FAR2: variants seen among roughly 807,000 people sequenced by gnomAD.
The protein encoded by FAR2 is fatty acyl-CoA reductase 2.
In FAR2, 19 loss-of-function variants were observed where a neutral mutation model predicts 56.0. The observed-to-expected ratio is 0.34, with a 90% confidence interval of 0.24 to 0.50. The LOEUF is 0.50. Ranked by LOEUF, FAR2 falls within the 20% of genes least tolerant of loss-of-function variation. FAR2 has a pLI of 0.98. For synonymous variants in FAR2, 219 were observed against 218.8 expected, an observed-to-expected ratio of 1.00 and a Z score of -0.01; for missense variants, 508 against 642.2, an observed-to-expected ratio of 0.79 and a Z score of 2.26.
intron 1 of FAR2, among the ~76,000 whole-genome samples, chr12:29,183,575 A>G (rs1591836669): frequency 6.6e-6 from 1 of 152,086 alleles, no homozygotes; most frequent in African/African-American, 2.4e-5. Context: ...TCATCTCACC[A>G]TCTGTTCTGT....
In FAR2 at chr12:29,308,709, C is replaced by CATATATATATAT. The variant is rs1428996085; in HGVS notation, c.724-476_724-475insTATATATATATA. Reference sequence around the variant, plus strand: ...ACACAGACACACACACACACACACACACACACACACATATATATATATATG... The same window carrying CATATATATATAT: ...ACACAGACACACACACACACACACACATATATATATATACACACACACATATATATATATATG... On this transcript the variant is annotated intron_variant, in intron 5 of 11. Transcript: ENST00000536681. Among the ~76,000 whole-genome samples the CATATATATATAT allele has an allele frequency of 2.8e-3, 288 of 103,660 alleles. 11 individuals carry two copies. The highest frequency in any genetic ancestry group is 0.012 in the African/African-American group (273 of 23,114). The allele number at this position is 103,660 out of a possible 152,430, so 68.0% of individuals were successfully genotyped here.
chr12:29,256,212 G>A (rs1948314286), intron 1 of FAR2, among the ~76,000 whole-genome samples: 1 of 152,024 alleles, frequency 6.6e-6, no homozygotes, highest in Admixed American at 6.5e-5. Context: ...TTAAAACATG[G>A]GGTCCTGCTT....
intron 1 of FAR2, among the ~76,000 whole-genome samples, chr12:29,188,997 T>C (rs1950073988): frequency 2.0e-5 from 3 of 152,134 alleles, no homozygotes; most frequent in South Asian, 4.1e-4. Flanking sequence ...ATGTTAACCT[T>C]CATCACTTAG....
chr12:29,279,384 A>G (rs1387021753), intron 2 of FAR2, among the ~76,000 whole-genome samples: 1 of 152,230 alleles, frequency 6.6e-6, no homozygotes, highest in Non-Finnish European at 1.5e-5. Flanking sequence ...TGAATGCCCA[A>G]TCTTTCAATA....
chr12:29,333,065 T>C (rs565134146), intron 11 of FAR2: 200 of 363,974 alleles, frequency 5.5e-4, no homozygotes, highest in South Asian at 4.4e-3. Flanking sequence ...GGGATATAAA[T>C]ACCCAACAGG....
intron 1 of FAR2, among the ~76,000 whole-genome samples, chr12:29,253,918 AG>A (rs1296066158): frequency 2.6e-5 from 4 of 152,222 alleles, no homozygotes; most frequent in African/African-American, 9.6e-5. Context: ...TGGTGGATTT[AG>A]GTTATATTCT....
intron 1 of FAR2, among the ~76,000 whole-genome samples, chr12:29,204,445 T>TG (rs1947456357): frequency 6.6e-6 from 1 of 152,086 alleles, no homozygotes; most frequent in African/African-American, 2.4e-5. Flanking sequence ...ACATAGGGTG[T>TG]TTAAGAGGGC....
intron 1 of FAR2, among the ~76,000 whole-genome samples, chr12:29,224,096 C>G (rs1947730432): frequency 6.6e-6 from 1 of 152,194 alleles, no homozygotes; most frequent in Non-Finnish European, 1.5e-5. Context: ...ATCAAGAAAT[C>G]TGGTCTACAT....
At chr12:29,327,672 A>T (rs1174196706) in intron 10 of FAR2, among the ~76,000 whole-genome samples, 2 of 152,244 alleles carry the variant, frequency 1.3e-5, no homozygotes, top group Non-Finnish European at 2.9e-5. Context: ...CCTATTTAAT[A>T]AATGGTGCTG....
At position 29,188,660 on chromosome 12, in the gene FAR2, A is replaced by C. The variant is rs1950069026; in HGVS notation, c.-39+39253A>C. ...TCCATTAATCTCCTTTTTCTGTTCC[A>C]GGATCAAATCCCAGCTACCACACTG... On this transcript the variant is annotated intron_variant, in intron 1 of 11. Transcript: ENST00000536681. Among the ~76,000 whole-genome samples the C allele has an allele frequency of 2.0e-5, 3 of 152,160 alleles. No individual in the cohort carries two copies. The South Asian group carries it at 6.2e-4, about 32-fold the overall frequency.
chr12:29,188,764 ATTGT>A lies in FAR2; in HGVS notation c.-39+39364_-39+39367del, dbSNP rs1364364772. Among the ~76,000 whole-genome samples, 123 of 140,900 alleles carry A rather than the reference ATTGT, an allele frequency of 8.7e-4. 1 individual carries two copies. Among genetic ancestry groups the A allele is most frequent in the African/African-American group, 3.1e-3 (115 of 37,590 alleles). The allele number at this position is 140,900 out of a possible 152,430, so 92.4% of individuals were successfully genotyped here. ...CTTTTCTTGTTTTTTTGTTTGTTTG[ATTGT>A]TTGTTTTTTGTTTTTTTTTTTTCAT... is the stretch of plus-strand genomic sequence containing the variant. On this transcript the variant is annotated intron_variant, in intron 1 of 11. Coordinates refer to ENST00000536681, the MANE Select transcript of FAR2 (RefSeq NM_001271783.2).
chr12:29,334,870 T>C lies in FAR2; in HGVS notation c.*1076T>C, dbSNP rs1203329349. ...AGACTTCACTAAGGGATTCTAAGTTTAGAAAATAGGTTTTGTTTTCTTAAA... is the reference window on the plus strand; with the variant it reads ...AGACTTCACTAAGGGATTCTAAGTTCAGAAAATAGGTTTTGTTTTCTTAAA... On this transcript the variant is annotated 3_prime_UTR_variant, in exon 12 of 12. Transcript: ENST00000536681. 5 of 152,200 alleles carry C rather than the reference T, an allele frequency of 3.3e-5. No homozygotes were observed. Among genetic ancestry groups the C allele is most frequent in the African/African-American group, 4.8e-5 (2 of 41,452 alleles). 9.4% of individuals were successfully genotyped at this position (152,200 alleles called of 1,614,324 possible). A position where few individuals can be genotyped will look rare whatever the true frequency, so the allele number is the denominator to read the frequency against.
chr12:29,326,465 A>G (rs1208360424), intron 10 of FAR2, among the ~76,000 whole-genome samples: 3 of 151,726 alleles, frequency 2.0e-5, no homozygotes, highest in Admixed American at 6.6e-5. Context: ...AGAATTTTAG[A>G]CCAATATCCT....
chr12:29,259,854 T>G (rs527741597), intron 1 of FAR2, among the ~76,000 whole-genome samples: 2 of 152,308 alleles, frequency 1.3e-5, no homozygotes, highest in African/African-American at 4.8e-5. Context: ...ATAGGATGCT[T>G]GGGTGTGTTA....
At chr12:29,289,911 A>G (rs1405298101) in intron 2 of FAR2, among the ~76,000 whole-genome samples, 1 of 152,272 alleles carries the variant, frequency 6.6e-6, no homozygotes, top group Admixed American at 6.5e-5. Flanking sequence ...AAAAGAAGAC[A>G]TACAAAAGAC....
At chr12:29,183,042 A>G (rs1950007147) in intron 1 of FAR2, among the ~76,000 whole-genome samples, 1 of 151,910 alleles carries the variant, frequency 6.6e-6, no homozygotes, top group African/African-American at 2.4e-5. Context: ...TGCTACAGTA[A>G]AATCTCAGTA....
chr12:29,209,939 A>G (rs533104364), intron 1 of FAR2, among the ~76,000 whole-genome samples: 234 of 152,204 alleles, frequency 1.5e-3, no homozygotes, highest in African/African-American at 5.3e-3. Context: ...GGGTACAGTG[A>G]CCCAGACCTG....
At chr12:29,199,753 G>C (rs10743648) in intron 1 of FAR2, among the ~76,000 whole-genome samples, 8 of 152,104 alleles carry the variant, frequency 5.3e-5, no homozygotes, top group African/African-American at 1.9e-4. Flanking sequence ...AGCGACACAC[G>C]TGAAAGAGGT....
intron 1 of FAR2, among the ~76,000 whole-genome samples, chr12:29,195,880 T>C (rs1950139638): frequency 6.6e-6 from 1 of 152,060 alleles, no homozygotes; most frequent in Non-Finnish European, 1.5e-5. Context: ...TGAGTCCCCA[T>C]TGTCTATCAT....
Sources: allele counts gnomAD v4.1 joint callset (sites outside exome capture counted in the v4.1 genomes callset), GRCh38; gene constraint gnomAD v4.1.1; transcripts MANE v1.5; gene names NCBI Gene and HGNC (gene_info 2026-07-23, HGNC 2026-07-21).